Variants in YIPF7 observed in about 807,000 individuals in gnomAD.
The protein encoded by YIPF7 is Yip1 domain family member 7.
A neutral mutation model predicts 27.2 loss-of-function variants in YIPF7; 35 were observed. The observed-to-expected ratio is 1.29, with a 90% CI of 0.98 to 1.70. The LOEUF (loss-of-function observed/expected upper bound fraction) is 1.70, where lower values mean the gene tolerates loss of function less well. YIPF7 is among the 40% of genes most tolerant of loss of function. YIPF7 has a pLI of 0.00. For missense variants in YIPF7, 358 were observed against 303.7 expected, an observed-to-expected ratio of 1.18 and a Z score of -1.33; for synonymous variants, 137 against 110.4, an observed-to-expected ratio of 1.24 and a Z score of -1.51.
At chr4:44,651,915 C>T (rs1483118808), upstream of YIPF7, among the ~76,000 whole-genome samples, 1 of 152,130 alleles carries the variant, frequency 6.6e-6, no homozygotes, top group African/African-American at 2.4e-5. Flanking sequence ...CCTCAATGTC[C>T]CTTCCATTTC....
At chr4:44,639,826 A>C (rs1713266969) in intron 2 of YIPF7, among the ~76,000 whole-genome samples, 1 of 152,070 alleles carries the variant, frequency 6.6e-6, no homozygotes, top group Non-Finnish European at 1.5e-5. Context: ...TTATCTGTGG[A>C]TTTGTCCTAA....
chr4:44,647,466 A>G (rs1232172620), intron 2 of YIPF7, among the ~76,000 whole-genome samples: 1 of 152,228 alleles, frequency 6.6e-6, no homozygotes, highest in African/African-American at 2.4e-5. Flanking sequence ...TCCTTTCTAC[A>G]AAACAGAACA....
Position 44,622,271 on chromosome 4 carries a change from C to G in YIPF7, c.*143G>C. On this transcript the variant is annotated 3_prime_UTR_variant, in exon 6 of 6. Coordinates refer to ENST00000415895, the MANE Select transcript of YIPF7 (RefSeq NM_182592.3). ...AACCAACAGGCTATTAGAGCACCAC[C>G]CTTAAGTGCTGCTTTGTCTCTCTGC... 9.8e-7 allele frequency: 1 copy of G among 1,021,846 alleles called. No homozygotes were observed. Among genetic ancestry groups the G allele is most frequent in the Non-Finnish European group, 1.4e-6 (1 of 709,972 alleles). 63.3% of individuals were successfully genotyped at this position (1,021,846 alleles called of 1,614,324 possible). A position where few individuals can be genotyped will look rare whatever the true frequency, so the allele number is the denominator to read the frequency against.
intron 4 of YIPF7, among the ~76,000 whole-genome samples, chr4:44,628,593 TTC>T (rs2109578901): frequency 6.6e-6 from 1 of 152,264 alleles, no homozygotes; most frequent in Non-Finnish European, 1.5e-5. Context: ...CTTTATCATT[TTC>T]TGTTTTTAAT....
intron 5 of YIPF7, 21 bp downstream of exon 5, chr4:44,624,580 T>G: frequency 1.3e-6 from 2 of 1,553,528 alleles, no homozygotes; most frequent in Non-Finnish European, 1.7e-6. Flanking sequence ...GTGGGGTCAT[T>G]GAGAGCACAC....
chr4:44,654,695 A>G (rs1324903393), upstream of YIPF7, among the ~76,000 whole-genome samples: 1 of 151,984 alleles, frequency 6.6e-6, no homozygotes, highest in African/African-American at 2.4e-5. Context: ...TGCCTTCTCT[A>G]TTTCAAGAAA....
At chr4:44,643,893 C>A (rs1233475632) in intron 2 of YIPF7, among the ~76,000 whole-genome samples, 1 of 152,014 alleles carries the variant, frequency 6.6e-6, no homozygotes. Flanking sequence ...GCCTGGATGT[C>A]CAAGCAGAAG....
intron 3 of YIPF7, among the ~76,000 whole-genome samples, chr4:44,631,289 G>A (rs1712888647): frequency 6.6e-6 from 1 of 152,040 alleles, no homozygotes; most frequent in South Asian, 2.1e-4. Flanking sequence ...CCATGTGAAG[G>A]ACTGTCTTCC....
chr4:44,646,779 C>T (rs1184394716), intron 2 of YIPF7, among the ~76,000 whole-genome samples: 2 of 152,018 alleles, frequency 1.3e-5, no homozygotes, highest in Non-Finnish European at 2.9e-5. Flanking sequence ...AATGAGCTCT[C>T]GTATACTGTG....
In YIPF7 at chr4:44,628,969, T is replaced by G. The variant is rs375712009; in HGVS notation, c.426+434A>C. ...ACAAGGAGATCTGTCTCGTACCTCA[T>G]AAGATGTTAGAAATAGTCTGGAGAT... is the stretch of plus-strand genomic sequence containing the variant. On this transcript the variant is annotated intron_variant, in intron 4 of 5. Coordinates refer to ENST00000415895, the MANE Select transcript of YIPF7 (RefSeq NM_182592.3). Among the ~76,000 whole-genome samples, 10 of 152,268 alleles carry G rather than the reference T, an allele frequency of 6.6e-5. No individual in the cohort carries two copies. The East Asian group carries it at 1.2e-3, about 18-fold the overall frequency.
intron 2 of YIPF7, among the ~76,000 whole-genome samples, chr4:44,641,407 C>G (rs1008687732): frequency 2.0e-5 from 3 of 152,076 alleles, no homozygotes; most frequent in African/African-American, 7.2e-5. Context: ...GCCATAATAC[C>G]TCTTTGACAT....
At chr4:44,646,410 G>C (rs1713527956) in intron 2 of YIPF7, among the ~76,000 whole-genome samples, 1 of 152,106 alleles carries the variant, frequency 6.6e-6, no homozygotes, top group Non-Finnish European at 1.5e-5. Flanking sequence ...CAGGTCTGAG[G>C]ATTCAGAAAA....
At chr4:44,624,526 C>G in intron 5 of YIPF7, 75 bp downstream of exon 5, 1 of 1,423,318 alleles carries the variant, frequency 7.0e-7, no homozygotes. Context: ...AGGAAGGGCT[C>G]AACTTTTTCA....
chr4:44,631,917 A>G (rs1415108660), intron 3 of YIPF7, among the ~76,000 whole-genome samples: 1 of 152,180 alleles, frequency 6.6e-6, no homozygotes, highest in African/African-American at 2.4e-5. Flanking sequence ...CCACAATAAA[A>G]TGGTATTTAA....
chr4:44,649,286 G>T (rs1467204432), intron 2 of YIPF7, among the ~76,000 whole-genome samples: 1 of 152,136 alleles, frequency 6.6e-6, no homozygotes, highest in Non-Finnish European at 1.5e-5. Context: ...TTGAAAAGAG[G>T]AGACAAGCCT....
At chr4:44,627,920 C>T (rs1712732086) in intron 4 of YIPF7, among the ~76,000 whole-genome samples, 1 of 152,106 alleles carries the variant, frequency 6.6e-6, no homozygotes, top group Non-Finnish European at 1.5e-5. Context: ...ATGTAAATAA[C>T]TCCAACTAAC....
At chr4:44,644,686 G>T (rs561261604) in intron 2 of YIPF7, among the ~76,000 whole-genome samples, 41 of 152,202 alleles carry the variant, frequency 2.7e-4, no homozygotes, top group African/African-American at 8.7e-4. Flanking sequence ...AGACTTTGGG[G>T]AACTGTTGGG....
intron 2 of YIPF7, 23 bp downstream of exon 2, chr4:44,649,962 A>AAAG: frequency 7.5e-7 from 1 of 1,327,666 alleles, no homozygotes; most frequent in Non-Finnish European, 1.0e-6. Flanking sequence ...AAAAAAAAAA[A>AAAG]AAGAAAAATA....
intron 2 of YIPF7, among the ~76,000 whole-genome samples, chr4:44,639,236 C>T (rs1027394509): frequency 6.6e-6 from 1 of 151,956 alleles, no homozygotes; most frequent in African/African-American, 2.4e-5. Context: ...AAAAATGCTG[C>T]TGGTATTTTG....
Sources: allele counts gnomAD v4.1 joint callset (sites outside exome capture counted in the v4.1 genomes callset), GRCh38; gene constraint gnomAD v4.1.1; transcripts MANE v1.5; gene names NCBI Gene and HGNC (gene_info 2026-07-23, HGNC 2026-07-21).